The following PRPF31 variants were observed in gnomAD, a reference collection of about 807,000 sequenced individuals.
PRPF31 encodes the protein U4/U6 small nuclear ribonucleoprotein Prp31.
In PRPF31, 12 loss-of-function variants were observed where a neutral mutation model predicts 60.4. The ratio of observed to expected loss-of-function variants is 0.20; its 90% confidence interval spans 0.13 to 0.32. The LOEUF is 0.32. Ranked by LOEUF, PRPF31 falls within the 10% of genes least tolerant of loss-of-function variation. The pLI is 1.00. For missense variants in PRPF31, 431 were observed against 687.1 expected (o/e 0.63, Z 4.17); for synonymous variants, 287 against 287.9 (o/e 1.00, Z 0.03).
chr19:54,116,019 C>T (rs1454189956), intron 1 of PRPF31: 2 of 153,570 alleles, frequency 1.3e-5, no homozygotes, highest in Non-Finnish European at 2.9e-5. Context: ...TCTTCTGCCT[C>T]AGCCTCCAGA....
In PRPF31 at chr19:54,131,413, G is replaced by A. The variant is rs1385248426; in HGVS notation, c.1481G>A (p.Ser494Asn). The change falls in exon 14 of 14, where the codon AGT becomes AAT. Residue 494 changes from serine (S) to asparagine (N), a missense_variant. Transcript: ENST00000321030. The stretch of plus-strand genomic sequence containing the variant: ...TTCCTCAAGGTCAAGGGCGAGAAGA[G>A]TGGCCTTATGTCCACCTGAATGACT... ...AEFLKVKGEKSGLMST is the reference protein window; with the variant it reads ...AEFLKVKGEKNGLMST 6.2e-7 allele frequency: 1 copy of A among 1,614,116 alleles called. No individual in the cohort carries two copies. Among genetic ancestry groups the A allele is most frequent in the Non-Finnish European group, 8.5e-7 (1 of 1,180,030 alleles).
chr19:54,123,647 C>T lies in PRPF31; in HGVS notation c.527+87C>T, dbSNP rs1338664403. ...ACACGCAGGTGTACACACGCACACA[C>T]ACATACACACATGCACACACACACA... On this transcript the variant is annotated intron_variant, in intron 6 of 13. Coordinates refer to ENST00000321030, the MANE Select transcript of PRPF31 (RefSeq NM_015629.4). 1.1e-5 allele frequency: 17 copies of T among 1,595,426 alleles called. No homozygotes were observed. The East Asian group carries it at 3.4e-4, about 32-fold the overall frequency.
Position 54,124,852 on chromosome 19 carries a change from G to T in PRPF31, c.855+196G>T, listed in dbSNP as rs2073881694. On this transcript the variant is annotated intron_variant, in intron 8 of 13. Coordinates refer to ENST00000321030, the MANE Select transcript of PRPF31 (RefSeq NM_015629.4). ...GCACCCACCAGTCAGGTGACTGTGG[G>T]CAAGAGGCATGAGCGCCCTGTGCCT... is the stretch of plus-strand genomic sequence containing the variant. The T allele has an allele frequency of 4.8e-5, 32 of 667,370 alleles. 1 individual carries two copies. The South Asian group carries it at 5.7e-4, about 12-fold the overall frequency. 41.3% of individuals were successfully genotyped at this position (667,370 alleles called of 1,614,324 possible).
At chr19:54,118,497 G>A (rs749706133) in intron 2 of PRPF31, 42 bp downstream of exon 2, 6 of 1,613,918 alleles carry the variant, frequency 3.7e-6, no homozygotes, top group Non-Finnish European at 5.1e-6. Context: ...GCTCTAGACA[G>A]AATCTCCCAG....
chr19:54,128,606 C>G lies in PRPF31; in HGVS notation c.1146+229C>G, dbSNP rs587715654. The stretch of plus-strand genomic sequence containing the variant: ...CGCTGCTTAGAGCCCCCGCGGCTTC[C>G]CATCGCCCCGGGCTCCTTGGCCGGT... On this transcript the variant is annotated intron_variant, in intron 11 of 13. Transcript: ENST00000321030. Among the ~76,000 whole-genome samples the G allele has an allele frequency of 7.9e-5, 12 of 152,056 alleles. No individual in the cohort carries two copies. In the South Asian group the frequency reaches 2.5e-3, roughly 32 times the overall value.
rs1450669410 is a variant in PRPF31 at position 54,128,085 on chromosome 19, C to A, written c.958C>A (p.Leu320Met). Residue 320 changes from leucine to methionine, a missense_variant, in exon 10 of 14, where the codon CTG becomes ATG. Leu to Met is a conservative substitution (Grantham distance 15). Coordinates refer to ENST00000321030, the MANE Select transcript of PRPF31 (RefSeq NM_015629.4). The part of the protein sequence containing the change: ...ESTEGKVGYE[L>M]KDEIERKFDK... ...TCGCCCTCCCCAGGTGGGCTACGAA[C>A]TGAAGGATGAGATCGAGCGCAAATT... 1 of 1,548,892 alleles carries A rather than the reference C, an allele frequency of 6.5e-7. No homozygotes were observed. The highest frequency in any genetic ancestry group is 8.7e-7 in the Non-Finnish European group (1 of 1,146,906).
chr19:54,118,527 C>G (rs587683190), intron 2 of PRPF31, 46 bp from the exon 3 acceptor site: 2 of 1,613,748 alleles, frequency 1.2e-6, no homozygotes, highest in Admixed American at 3.3e-5. Flanking sequence ...ATACAGGCTT[C>G]TTTTTGAAGA....
At chr19:54,117,849 C>A (rs2073687927) in intron 1 of PRPF31, among the ~76,000 whole-genome samples, 1 of 151,978 alleles carries the variant, frequency 6.6e-6, no homozygotes, top group Non-Finnish European at 1.5e-5. Context: ...CAGACTCCAT[C>A]TTTAAAAAAT....
Position 54,122,601 on chromosome 19 carries a change from G to A in PRPF31, c.420+7G>A, listed in dbSNP as rs143717956. On this transcript the variant is annotated splice_region_variant and intron_variant, in intron 5 of 13. Coordinates refer to ENST00000321030, the MANE Select transcript of PRPF31 (RefSeq NM_015629.4). ...TTACATCCGCACGGTCAAGGTGAGC[G>A]CAGAGAAGGTGGGGTGCTTCTGCTG... 1.3e-3 allele frequency: 2,091 copies of A among 1,612,130 alleles called. 25 individuals are homozygous for A. In the African/African-American group the frequency reaches 0.025, roughly 19 times the overall value.
chr19:54,128,266 C>T (rs1233256256), intron 10 of PRPF31, 39 bp from the exon 11 acceptor site: 5 of 1,554,416 alleles, frequency 3.2e-6, no homozygotes, highest in Non-Finnish European at 4.3e-6. Context: ...GTCCTCCTCC[C>T]AGCCGACTCC....
chr19:54,119,360 C>T (rs1256081701), intron 3 of PRPF31, among the ~76,000 whole-genome samples: 3 of 149,674 alleles, frequency 2.0e-5, no homozygotes, highest in Non-Finnish European at 3.0e-5. Flanking sequence ...CCAGCCTGGG[C>T]GACAGAGCAA....
At chr19:54,127,143 A>G (rs1160530025) in intron 9 of PRPF31, among the ~76,000 whole-genome samples, 2 of 152,114 alleles carry the variant, frequency 1.3e-5, no homozygotes, top group Non-Finnish European at 2.9e-5. Context: ...AAAACAGTAC[A>G]GGTTTATTAT....
intron 7 of PRPF31, 25 bp from the exon 8 acceptor site, chr19:54,124,474 C>T (rs373020534): frequency 7.6e-6 from 12 of 1,581,552 alleles, no homozygotes; most frequent in Non-Finnish European, 1.0e-5. Flanking sequence ...GACCGCCCCC[C>T]CTTCCTCCCT....
rs375702839 is a variant in PRPF31 at position 54,129,198 on chromosome 19, C to T, written c.1275+13C>T. The T allele has an allele frequency of 2.2e-5, 35 of 1,592,954 alleles. No individual in the cohort carries two copies. The Middle Eastern group carries it at 6.6e-4, about 30-fold the overall frequency. On this transcript the variant is annotated intron_variant, in intron 12 of 13. Coordinates refer to ENST00000321030, the MANE Select transcript of PRPF31 (RefSeq NM_015629.4). ...CAAGACGCTGCAGGTATGGGCCAGA[C>T]CCAGGTGGGGCTGGGGACCGAGGGA...
chr19:54,129,057 A>G lies in PRPF31; in HGVS notation c.1147A>G (p.Ile383Val). 6.4e-7 allele frequency: 1 copy of G among 1,570,222 alleles called. No homozygotes were observed. Among genetic ancestry groups the G allele is most frequent in the Non-Finnish European group, 8.6e-7 (1 of 1,158,496 alleles). ...KQANRMSFGEIEEDAYQEDLG... is the reference protein window; with the variant it reads ...KQANRMSFGEVEEDAYQEDLG... Reference sequence around the variant, plus strand: ...GCAGGGCGCCTCCTCTCCCCCCTAGATCGAGGAGGACGCCTACCAGGAGGA... The same window carrying G: ...GCAGGGCGCCTCCTCTCCCCCCTAGGTCGAGGAGGACGCCTACCAGGAGGA... The change falls in exon 12 of 14, where the codon ATC becomes GTC. Residue 383 changes from isoleucine to valine, a missense_variant and splice_region_variant. By Grantham distance (29) the Ile-to-Val change is conservative (BLOSUM62 3). Around this residue, in one of 4 missense-constraint regions of PRPF31, gnomAD observed 314 missense variants for 475.3 expected, o/e 0.66. Transcript: ENST00000321030.
At chr19:54,125,049 T>C (rs2073886771) in intron 8 of PRPF31, 3 of 346,478 alleles carry the variant, frequency 8.7e-6, no homozygotes, top group South Asian at 8.3e-5. Context: ...CTAGAAAGAC[T>C]CACAGAATCC....
At position 54,122,695 on chromosome 19, in the gene PRPF31, A is replaced by G. The variant is rs139448708; in HGVS notation, c.420+101A>G. On this transcript the variant is annotated intron_variant, in intron 5 of 13. Transcript: ENST00000321030. ...AGGCCTGAGGGTCTGGAGACGATGG[A>G]GAGGAGTGGACGAGGGCTCAGTGGT... 316 of 955,614 alleles carry G rather than the reference A, an allele frequency of 3.3e-4. No homozygotes were observed. In the East Asian group the frequency reaches 6.1e-3, roughly 18 times the overall value. 59.2% of individuals were successfully genotyped at this position (955,614 alleles called of 1,614,324 possible). A position where few individuals can be genotyped will look rare whatever the true frequency, so the allele number is the denominator to read the frequency against.
At chr19:54,127,256 C>T (rs2073943505) in intron 9 of PRPF31, among the ~76,000 whole-genome samples, 1 of 152,160 alleles carries the variant, frequency 6.6e-6, no homozygotes, top group Non-Finnish European at 1.5e-5. Flanking sequence ...ATAATCCATT[C>T]CCTGGTCTTT....
At chr19:54,130,071 C>T (rs587731780) in intron 13 of PRPF31, among the ~76,000 whole-genome samples, 1,541 of 149,500 alleles carry the variant, frequency 0.01, no homozygotes, top group Non-Finnish European at 0.017. Flanking sequence ...CCAGGCCGGG[C>T]GCAGACAGCT....
Sources: allele counts gnomAD v4.1 joint callset (sites outside exome capture counted in the v4.1 genomes callset), GRCh38; gene constraint gnomAD v4.1.1; regional missense constraint gnomAD v4.1.1; transcripts MANE v1.5; gene names NCBI Gene and HGNC (gene_info 2026-07-23, HGNC 2026-07-21).